The following PDIA3 variants were observed in gnomAD, a reference collection of about 807,000 sequenced individuals.
PDIA3 encodes the protein protein disulfide isomerase family A member 3.
Under a neutral mutation model 56.9 loss-of-function variants are expected in PDIA3, and 16 were observed. The ratio of observed to expected loss-of-function variants is 0.28; its 90% CI spans 0.19 to 0.43. The LOEUF (loss-of-function observed/expected upper bound fraction) is 0.43, where lower values mean the gene tolerates loss of function less well. PDIA3 is among the 20% of genes least tolerant of loss of function. The pLI is 1.00. For missense variants in PDIA3, 485 were observed against 621.3 expected (o/e 0.78, Z 2.33); for synonymous variants, 192 against 216.5 (o/e 0.89, Z 0.99).
intron 6 of PDIA3, 98 bp downstream of exon 6, chr15:43,765,664 T>C: frequency 5.5e-6 from 5 of 911,854 alleles, no homozygotes; most frequent in Non-Finnish European, 8.8e-6. Flanking sequence ...GTAAACAGTC[T>C]ATTTGGGGGG....
chr15:43,754,392 CAAAAAAA>C (rs1048781007), intron 2 of PDIA3, among the ~76,000 whole-genome samples: 9 of 51,198 alleles, frequency 1.8e-4, no homozygotes, highest in African/African-American at 2.9e-4. Context: ...GACTCCGTCT[CAAAAAAA>C]AAAAAAAAAA....
rs760253283 is a variant in PDIA3, at chr15:43,773,128, G to C, written c.*1910G>C. 15 of 1,608,112 alleles carry C rather than the reference G, an allele frequency of 9.3e-6. No homozygotes were observed. The highest frequency in any genetic ancestry group is 1.3e-5 in the Non-Finnish European group (15 of 1,178,334). On this transcript the variant is annotated 3_prime_UTR_variant, in exon 13 of 13. Coordinates refer to ENST00000300289, the MANE Select transcript of PDIA3 (RefSeq NM_005313.5). ...TCCCTTGATAACTTCAGCTGCCCCT[G>C]TTCTTTTCCTCAAACTCCAGGATGA...
intron 3 of PDIA3, among the ~76,000 whole-genome samples, chr15:43,760,350 C>T (rs922121275): frequency 1.2e-4 from 18 of 150,942 alleles, no homozygotes; most frequent in African/African-American, 2.4e-4. Flanking sequence ...ATGATCATGC[C>T]GCTGGACCCC....
At position 43,763,150 on chromosome 15, in the gene PDIA3, C is replaced by T. The variant is rs751807508; in HGVS notation, c.546C>T (p.Tyr182=). The change falls in exon 5 of 13, where the codon TAC becomes TAT. Residue 182 remains tyrosine (Y), a synonymous_variant. Transcript: ENST00000300289. ...LKAASNLRDN[Y]RFAHTNVESL... ...CAGCCAGCAACTTGAGGGATAACTA[C>T]CGATTTGCACATACGAATGTTGAGT... The T allele has an allele frequency of 5.0e-6, 8 of 1,614,078 alleles. No homozygotes were observed. The highest frequency in any genetic ancestry group is 5.9e-6 in the Non-Finnish European group (7 of 1,179,964).
rs745735240 is a variant in PDIA3, at chr15:43,773,228, T to A, written c.*2010T>A. ...TTCTTCTCTGTAACTTGGGTACTGC[T>A]GCAGAGAAAAAGCATCCATGTCAAA... On this transcript the variant is annotated 3_prime_UTR_variant, in exon 13 of 13. Coordinates refer to ENST00000300289, the MANE Select transcript of PDIA3 (RefSeq NM_005313.5). 2.5e-6 allele frequency: 4 copies of A among 1,613,842 alleles called. No homozygotes were observed. The South Asian group carries it at 4.4e-5, about 18-fold the overall frequency.
At chr15:43,760,654 G>A (rs930846381) in intron 3 of PDIA3, among the ~76,000 whole-genome samples, 4 of 149,836 alleles carry the variant, frequency 2.7e-5, no homozygotes, top group Non-Finnish European at 1.5e-5. Context: ...TCAGCCTCCC[G>A]AGTAGCTCGG....
At chr15:43,764,938 C>A (rs781501213) in intron 5 of PDIA3, among the ~76,000 whole-genome samples, 37 of 152,214 alleles carry the variant, frequency 2.4e-4, no homozygotes, top group Admixed American at 1.8e-3. Flanking sequence ...ATTTAGTAAA[C>A]CCTATACCCA....
rs570207249 is a variant in PDIA3, at chr15:43,771,276, T to A, written c.*58T>A. On this transcript the variant is annotated 3_prime_UTR_variant, in exon 13 of 13. Transcript: ENST00000300289. Reference sequence around the variant, plus strand: ...TCTTCCATCAGAGATGGGAAAACCATTGGGGAGGACTAGGACCCATATGGG... The same window carrying A: ...TCTTCCATCAGAGATGGGAAAACCAATGGGGAGGACTAGGACCCATATGGG... 1.8e-6 allele frequency: 2 copies of A among 1,111,408 alleles called. No homozygotes were observed. The highest frequency in any genetic ancestry group is 3.7e-5 in the Admixed American group (2 of 54,138). The allele number at this position is 1,111,408 out of a possible 1,614,324, so 68.8% of individuals were successfully genotyped here.
intron 4 of PDIA3, among the ~76,000 whole-genome samples, 197 bp from the exon 5 acceptor site, chr15:43,762,880 A>C (rs182369274): frequency 6.6e-6 from 1 of 152,212 alleles, no homozygotes; most frequent in African/African-American, 2.4e-5. Flanking sequence ...GGCTCTCTCA[A>C]GAAATGTTTC....
chr15:43,762,966 C>T, intron 4 of PDIA3, 111 bp from the exon 5 acceptor site: 2 of 1,087,228 alleles, frequency 1.8e-6, no homozygotes, highest in South Asian at 1.5e-5. Flanking sequence ...CAGACCCAGT[C>T]CTCAAAATAG....
chr15:43,756,513 C>G, intron 2 of PDIA3, 136 bp from the exon 3 acceptor site: 2 of 641,372 alleles, frequency 3.1e-6, no homozygotes, highest in Non-Finnish European at 5.6e-6. Flanking sequence ...CCTTTAAAAT[C>G]TAATGTTCTG....
At chr15:43,749,003 T>A (rs1394585566) in intron 1 of PDIA3, among the ~76,000 whole-genome samples, 1 of 152,154 alleles carries the variant, frequency 6.6e-6, no homozygotes, top group African/African-American at 2.4e-5. Flanking sequence ...ACTCCTGACT[T>A]CAGGTGATCT....
rs576056332 is a variant in PDIA3 at position 43,773,010 on chromosome 15, C to T, written c.*1792C>T. The T allele has an allele frequency of 3.7e-6, 4 of 1,077,632 alleles. No homozygotes were observed. In the South Asian group the frequency reaches 6.3e-5, roughly 17 times the overall value. 66.8% of individuals were successfully genotyped at this position (1,077,632 alleles called of 1,614,324 possible). On this transcript the variant is annotated 3_prime_UTR_variant, in exon 13 of 13. Transcript: ENST00000300289. ...GCTCTCTACTTGCCACCATGGACTC[C>T]AGTGGTCAGCATAAGAAAAGCAGAT...
rs28616830 is a variant in PDIA3, at chr15:43,756,558, G to T, written c.247-91G>T. The T allele has an allele frequency of 7.7e-6, 6 of 780,218 alleles. No homozygotes were observed. In the Admixed American group the frequency reaches 9.4e-5, roughly 12 times the overall value. The allele number at this position is 780,218 out of a possible 1,614,324, so 48.3% of individuals were successfully genotyped here. On this transcript the variant is annotated intron_variant, in intron 2 of 12. Coordinates refer to ENST00000300289, the MANE Select transcript of PDIA3 (RefSeq NM_005313.5). Reference sequence around the variant, plus strand: ...TGCCAAGAATTCCTTGATCCCCTTAGGATTTGACCAATCCTAGTATTTTGA... The same window carrying T: ...TGCCAAGAATTCCTTGATCCCCTTATGATTTGACCAATCCTAGTATTTTGA...
intron 3 of PDIA3, among the ~76,000 whole-genome samples, chr15:43,759,441 T>G (rs1044107050): frequency 1.3e-5 from 2 of 148,192 alleles, no homozygotes; most frequent in East Asian, 2.0e-4. Flanking sequence ...ACAAAACTTG[T>G]TTTTTTTTTT....
chr15:43,766,029 TTTTCCCTCATGAACAAGTTTA>T lies in PDIA3; in HGVS notation c.845+18_845+38del. ...GAGAAACAGGTAATAAGAATTATGT[TTTTCCCTCATGAACAAGTTTA>T]CCCAATGTATAGACAGTCCCTTCTA... On this transcript the variant is annotated intron_variant, in intron 7 of 12. Coordinates refer to ENST00000300289, the MANE Select transcript of PDIA3 (RefSeq NM_005313.5). 6.2e-7 allele frequency: 1 copy of T among 1,611,618 alleles called. No homozygotes were observed. Among genetic ancestry groups the T allele is most frequent in the South Asian group, 1.1e-5 (1 of 90,668 alleles).
At chr15:43,761,129 C>G (rs935935032) in intron 3 of PDIA3, among the ~76,000 whole-genome samples, 46 of 151,278 alleles carry the variant, frequency 3.0e-4, no homozygotes, top group African/African-American at 1.1e-3. Flanking sequence ...GTAGTCCCAG[C>G]TACTCAGGAG....
chr15:43,755,382 T>C (rs1006082782), intron 2 of PDIA3, among the ~76,000 whole-genome samples: 7 of 152,132 alleles, frequency 4.6e-5, no homozygotes, highest in African/African-American at 1.7e-4. Flanking sequence ...TATGTGATAA[T>C]CACAATGATG....
chr15:43,749,771 C>G (rs908933119), intron 1 of PDIA3, among the ~76,000 whole-genome samples: 2 of 152,106 alleles, frequency 1.3e-5, no homozygotes, highest in African/African-American at 4.8e-5. Flanking sequence ...CAGACCCCAT[C>G]TCTACTAAAA....
Sources: gnomAD v4.1 joint callset for allele counts (sites outside exome capture counted in the v4.1 genomes callset) on GRCh38, gnomAD v4.1.1 for gene constraint, MANE v1.5 for transcripts, NCBI Gene and HGNC (gene_info 2026-07-23, HGNC 2026-07-21) for gene names.